DHX57: variants seen among roughly 807,000 people sequenced by gnomAD.
The protein encoded by DHX57 is putative ATP-dependent RNA helicase DHX57.
In DHX57, 105 loss-of-function variants were observed where a neutral mutation model predicts 156.2. The ratio of observed to expected loss-of-function variants is 0.67; its 90% CI spans 0.57 to 0.79. DHX57 has a LOEUF of 0.79. Among genes scored for constraint, DHX57 ranks in the 30% least tolerant of loss-of-function variants. The probability of loss-of-function intolerance (pLI) is 0.00; values close to 1 mark genes in which losing one functional copy is unlikely to be tolerated. For synonymous variants in DHX57, 704 were observed against 595.6 expected (o/e 1.18, Z -2.65); for missense variants, 1,847 against 1,661.9 (o/e 1.11, Z -1.94).
chr2:38,856,289 G>A (rs764387487), intron 7 of DHX57, 51 bp downstream of exon 7: 2 of 1,576,374 alleles, frequency 1.3e-6, no homozygotes, highest in Admixed American at 1.9e-5. Flanking sequence ...TAACCAGGGT[G>A]CATATAATAT....
intron 4 of DHX57, 51 bp from the exon 5 acceptor site, chr2:38,861,888 C>G: frequency 2.0e-6 from 3 of 1,497,568 alleles, no homozygotes; most frequent in Non-Finnish European, 2.7e-6. Flanking sequence ...CAGTATCACA[C>G]CATTACAGTA....
chr2:38,821,081 A>C (rs537629675), intron 17 of DHX57, among the ~76,000 whole-genome samples: 3 of 152,248 alleles, frequency 2.0e-5, no homozygotes, highest in Admixed American at 2.0e-4. Flanking sequence ...AAAATTGCGA[A>C]CTCACAAATA....
Position 38,815,655 on chromosome 2 carries a change from CCTGAA to C in DHX57, c.3472-5_3472-1del, listed in dbSNP as rs1274229432. 2.5e-6 allele frequency: 4 copies of C among 1,613,928 alleles called. No individual in the cohort carries two copies. Among genetic ancestry groups the C allele is most frequent in the Non-Finnish European group, 2.5e-6 (3 of 1,180,018 alleles). On this transcript the variant is annotated splice_acceptor_variant and splice_polypyrimidine_tract_variant and intron_variant, in intron 19 of 23. Transcript: ENST00000457308. LOFTEE classifies it high-confidence loss of function. The stretch of plus-strand genomic sequence containing the variant: ...AATTGTCGTTTGAGGCTGGCCATTT[CCTGAA>C]AGAAGTGGAAAAACCTTTAAGCAAG...
intron 23 of DHX57, among the ~76,000 whole-genome samples, chr2:38,799,037 C>T (rs1669537227): frequency 6.6e-6 from 1 of 151,796 alleles, no homozygotes; most frequent in South Asian, 2.1e-4. Flanking sequence ...ATGATTTATT[C>T]CACGAGGAGA....
intron 7 of DHX57, among the ~76,000 whole-genome samples, chr2:38,855,983 C>T (rs993188420): frequency 1.3e-5 from 2 of 152,076 alleles, no homozygotes; most frequent in Admixed American, 1.3e-4. Context: ...CACAGTGGTG[C>T]GCCTGTCATC....
intron 13 of DHX57, among the ~76,000 whole-genome samples, chr2:38,833,863 T>A (rs1020258342): frequency 6.6e-6 from 1 of 152,060 alleles, no homozygotes; most frequent in African/African-American, 2.4e-5. Context: ...GAAAGAGATA[T>A]GTCATGAATG....
intron 2 of DHX57, among the ~76,000 whole-genome samples, chr2:38,865,746 C>T (rs973865581): frequency 3.9e-5 from 6 of 152,198 alleles, no homozygotes; most frequent in Non-Finnish European, 8.8e-5. Context: ...TTTATCCAGA[C>T]TCAGAACTTT....
Position 38,862,142 on chromosome 2 carries a change from CA to C in DHX57, c.572+2del. ...AACTCCCATAAATGATCAAAGCAATCACCTGGAAAGTTTTTGCACTGCAAAT... is the reference window on the plus strand; with the variant it reads ...AACTCCCATAAATGATCAAAGCAATCCCTGGAAAGTTTTTGCACTGCAAAT... On this transcript the variant is annotated splice_donor_variant, in intron 4 of 23. Transcript: ENST00000457308. LOFTEE classifies it high-confidence loss of function. The C allele has an allele frequency of 6.3e-7, 1 of 1,588,236 alleles. No individual in the cohort carries two copies. Among genetic ancestry groups the C allele is most frequent in the Non-Finnish European group, 8.6e-7 (1 of 1,164,876 alleles).
intron 23 of DHX57, 60 bp downstream of exon 23, chr2:38,802,655 T>G: frequency 6.3e-7 from 1 of 1,597,696 alleles, no homozygotes; most frequent in East Asian, 2.2e-5. Context: ...CTTCATAACT[T>G]CATATTGTCA....
Position 38,863,352 on chromosome 2 carries a change from A to G in DHX57, c.383+9T>C, listed in dbSNP as rs765101464. Reference sequence around the variant, plus strand: ...TAATATAATAATTGACTCAAATAAAACAATTTACTCAGATCCAGCATCAGC... The same window carrying G: ...TAATATAATAATTGACTCAAATAAAGCAATTTACTCAGATCCAGCATCAGC... On this transcript the variant is annotated intron_variant, in intron 3 of 23. Transcript: ENST00000457308. 1 of 1,602,516 alleles carries G rather than the reference A, an allele frequency of 6.2e-7. No homozygotes were observed. The highest frequency in any genetic ancestry group is 8.5e-7 in the Non-Finnish European group (1 of 1,177,074).
At chr2:38,818,377 A>G (rs1670650497) in intron 19 of DHX57, among the ~76,000 whole-genome samples, 1 of 152,130 alleles carries the variant, frequency 6.6e-6, no homozygotes, top group Non-Finnish European at 1.5e-5. Flanking sequence ...ATACAAAAAA[A>G]TTAGCTGAGC....
At chr2:38,871,745 T>C (rs1050371888) in intron 1 of DHX57, among the ~76,000 whole-genome samples, 6 of 151,610 alleles carry the variant, frequency 4.0e-5, no homozygotes, top group African/African-American at 1.5e-4. Flanking sequence ...CTCACTCTGT[T>C]GCCCCAGCTG....
rs571506261 is a variant in DHX57, at chr2:38,819,494, C to T, written c.3292-350G>A. Among the ~76,000 whole-genome samples, 64 of 152,180 alleles carry T rather than the reference C, an allele frequency of 4.2e-4. 1 individual carries two copies. Among genetic ancestry groups the T allele is most frequent in the Non-Finnish European group, 7.1e-4 (48 of 68,028 alleles). On this transcript the variant is annotated intron_variant, in intron 17 of 23. Coordinates refer to ENST00000457308, the MANE Select transcript of DHX57 (RefSeq NM_198963.3). ...CCAGGTCCTACAGGACACTTTTTAT[C>T]TGAGGTTTCAAATGGCATTTTCCCA...
intron 1 of DHX57, among the ~76,000 whole-genome samples, chr2:38,869,712 C>T (rs969282518): frequency 1.3e-5 from 2 of 152,172 alleles, no homozygotes; most frequent in Non-Finnish European, 2.9e-5. Flanking sequence ...ATAAGAAGCC[C>T]CTGAAAGGGG....
At position 38,861,338 on chromosome 2, in the gene DHX57, G is replaced by A. The variant is rs1231718000; in HGVS notation, c.1072C>T (p.Arg358Ter). Reference sequence around the variant, plus strand: ...GGATATTTGTGGTCTTTAGAAAATCGAATTTCAAGTTCATATAAAAAAGAT... The same window carrying A: ...GGATATTTGTGGTCTTTAGAAAATCAAATTTCAAGTTCATATAAAAAAGAT... ...DASFLYELEI[R>*]FSKDHKYPYQ... The change falls in exon 5 of 24, where the codon CGA (arginine) becomes TGA (stop). Residue 358 changes from arginine to a stop codon, truncating the protein, a stop_gained. Transcript: ENST00000457308. LOFTEE classifies it high-confidence loss of function. 2.5e-6 allele frequency: 4 copies of A among 1,613,492 alleles called. No individual in the cohort carries two copies. Among genetic ancestry groups the A allele is most frequent in the African/African-American group, 1.3e-5 (1 of 74,812 alleles).
At chr2:38,814,894 G>T (rs971269023) in intron 20 of DHX57, among the ~76,000 whole-genome samples, 1 of 151,746 alleles carries the variant, frequency 6.6e-6, no homozygotes, top group South Asian at 2.1e-4. Context: ...GGATAATTGT[G>T]TATTTTTAGT....
intron 22 of DHX57, among the ~76,000 whole-genome samples, chr2:38,805,729 A>C (rs1669903136): frequency 3.1e-3 from 1 of 326 alleles, no homozygotes; most frequent in African/African-American, 5.4e-3. Flanking sequence ...TGAATTGGGG[A>C]TCATTGAGTT....
intron 13 of DHX57, among the ~76,000 whole-genome samples, chr2:38,832,851 T>A (rs961248061): frequency 3.9e-5 from 6 of 152,028 alleles, no homozygotes; most frequent in Admixed American, 3.3e-4. Context: ...ATAAAGTAAT[T>A]TTTTGATCTA....
chr2:38,860,894 A>C lies in DHX57; in HGVS notation c.1411+105T>G. On this transcript the variant is annotated intron_variant, in intron 5 of 23. Coordinates refer to ENST00000457308, the MANE Select transcript of DHX57 (RefSeq NM_198963.3). ...GCCCTTGGGACTTAATGGCTTGTTC[A>C]GCTTGTTCAAGATCACTAAGCCATC... is the stretch of plus-strand genomic sequence containing the variant. The C allele has an allele frequency of 8.4e-6, 8 of 956,590 alleles. No individual in the cohort carries two copies. The Admixed American group carries it at 1.1e-4, about 13-fold the overall frequency. The allele number at this position is 956,590 out of a possible 1,614,324, so 59.3% of individuals were successfully genotyped here.
Sources: allele counts gnomAD v4.1 joint callset (sites outside exome capture counted in the v4.1 genomes callset), GRCh38; gene constraint gnomAD v4.1.1; transcripts MANE v1.5; gene names NCBI Gene and HGNC (gene_info 2026-07-23, HGNC 2026-07-21).